IGF2BP1: variants seen among roughly 807,000 people sequenced by gnomAD.
IGF2BP1 encodes the protein insulin like growth factor 2 mRNA binding protein 1.
A neutral mutation model predicts 74.9 loss-of-function variants in IGF2BP1; 11 were observed. That is an observed-to-expected ratio of 0.15 (90% CI 0.09 to 0.24). The LOEUF is 0.24. IGF2BP1 is among the 10% of genes least tolerant of loss of function. The pLI is 1.00. For synonymous variants in IGF2BP1, 287 were observed against 281.8 expected, an observed-to-expected ratio of 1.02 and a Z score of -0.18; for missense variants, 440 against 757.4, an observed-to-expected ratio of 0.58 and a Z score of 4.92.
chr17:49,022,583 A>T (rs1302063626), intron 2 of IGF2BP1, among the ~76,000 whole-genome samples: 1 of 151,856 alleles, frequency 6.6e-6, no homozygotes, highest in African/African-American at 2.4e-5. Context: ...CTTTTCTTTC[A>T]TTGGTTGGGT....
chr17:49,019,959 C>G (rs28570390), intron 2 of IGF2BP1, among the ~76,000 whole-genome samples: 1 of 34,634 alleles, frequency 2.9e-5, no homozygotes, highest in African/African-American at 1.8e-4. Flanking sequence ...TTTATATACA[C>G]ACACACACAC....
chr17:49,054,002 T>G lies in IGF2BP1; in HGVS notation c.*4558T>G, dbSNP rs2079577282. The G allele has an allele frequency of 1.3e-5, 2 of 152,724 alleles. No homozygotes were observed. The highest frequency in any genetic ancestry group is 4.8e-5 in the African/African-American group (2 of 41,482). The allele number at this position is 152,724 out of a possible 1,614,324, so 9.5% of individuals were successfully genotyped here. On this transcript the variant is annotated 3_prime_UTR_variant, in exon 15 of 15. Coordinates refer to ENST00000290341, the MANE Select transcript of IGF2BP1 (RefSeq NM_006546.4). ...CCAGGGGACATAAAAGCCATTTCCC[T>G]TCCAAATACTCGACAATTTAGATGC...
At chr17:49,036,507 A>C (rs1337395893) in intron 5 of IGF2BP1, 1 of 152,246 alleles carries the variant, frequency 6.6e-6, no homozygotes, top group Non-Finnish European at 1.5e-5. Context: ...GGAGGAGCTA[A>C]AATTTCGAGA....
rs1185162836 is a variant in IGF2BP1 at position 49,052,918 on chromosome 17, A to G, written c.*3474A>G. 1.3e-5 allele frequency: 2 copies of G among 152,244 alleles called. No individual in the cohort carries two copies. Among genetic ancestry groups the G allele is most frequent in the Non-Finnish European group, 2.9e-5 (2 of 68,038 alleles). 9.4% of individuals were successfully genotyped at this position (152,244 alleles called of 1,614,324 possible). A position where few individuals can be genotyped will look rare whatever the true frequency, so the allele number is the denominator to read the frequency against. On this transcript the variant is annotated 3_prime_UTR_variant, in exon 15 of 15. Transcript: ENST00000290341. ...AAATTCTTTGAAACACATAACCAAA[A>G]TGGTTTGATTCACTGACTGACTTTG...
chr17:49,026,533 G>T lies in IGF2BP1; in HGVS notation c.337+16G>T, dbSNP rs1598143792. On this transcript the variant is annotated intron_variant, in intron 4 of 14. Coordinates refer to ENST00000290341, the MANE Select transcript of IGF2BP1 (RefSeq NM_006546.4). Reference sequence around the variant, plus strand: ...TGTGAGCAAGGTAAGAGTGGGCCGGGTGTGGGGTGGCACTCGTGGTGGGGG... The same window carrying T: ...TGTGAGCAAGGTAAGAGTGGGCCGGTTGTGGGGTGGCACTCGTGGTGGGGG... 6 of 1,612,662 alleles carry T rather than the reference G, an allele frequency of 3.7e-6. No individual in the cohort carries two copies. The highest frequency in any genetic ancestry group is 2.7e-5 in the African/African-American group (2 of 74,880).
chr17:49,046,098 G>T, intron 13 of IGF2BP1, 77 bp downstream of exon 13: 1 of 1,552,536 alleles, frequency 6.4e-7, no homozygotes, highest in Non-Finnish European at 8.8e-7. Context: ...CTCCTGTACT[G>T]CTCAACCTCA....
intron 2 of IGF2BP1, among the ~76,000 whole-genome samples, chr17:49,010,425 T>G (rs2041603398): frequency 6.7e-6 from 1 of 149,392 alleles, no homozygotes; most frequent in African/African-American, 2.5e-5. Flanking sequence ...CACGTCATTC[T>G]CCTGCCTCAG....
Position 49,055,435 on chromosome 17 carries a change from C to G in IGF2BP1, c.*5991C>G. 1.7e-5 allele frequency: 6 copies of G among 358,768 alleles called. No homozygotes were observed. The highest frequency in any genetic ancestry group is 2.0e-5 in the Non-Finnish European group (4 of 201,848). The allele number at this position is 358,768 out of a possible 1,614,324, so 22.2% of individuals were successfully genotyped here. Reference sequence around the variant, plus strand: ...GCCAGCTGACTTCAGTCACCCCTGTCCCCCCTCCCCTGCCAATAAGCTCCC... The same window carrying G: ...GCCAGCTGACTTCAGTCACCCCTGTGCCCCCTCCCCTGCCAATAAGCTCCC... On this transcript the variant is annotated 3_prime_UTR_variant, in exon 15 of 15. Transcript: ENST00000290341.
At position 49,055,764 on chromosome 17, in the gene IGF2BP1, T is replaced by G; in HGVS notation, c.*6320T>G. The G allele has an allele frequency of 2.5e-6, 1 of 396,836 alleles. No homozygotes were observed. The allele number at this position is 396,836 out of a possible 1,614,324, so 24.6% of individuals were successfully genotyped here. On this transcript the variant is annotated 3_prime_UTR_variant, in exon 15 of 15. Coordinates refer to ENST00000290341, the MANE Select transcript of IGF2BP1 (RefSeq NM_006546.4). ...TTGTAAGCAGTTCTGAAACATCACT[T>G]ACTCAGAAGAGGGAACGATGTATTT...
chr17:49,044,331 G>C (rs567731264), intron 11 of IGF2BP1, among the ~76,000 whole-genome samples: 1 of 152,270 alleles, frequency 6.6e-6, no homozygotes, highest in South Asian at 2.1e-4. Context: ...AGAGAACTTA[G>C]GTTCTAACAC....
intron 2 of IGF2BP1, among the ~76,000 whole-genome samples, chr17:49,000,383 T>C (rs906959824): frequency 6.6e-6 from 1 of 152,210 alleles, no homozygotes; most frequent in African/African-American, 2.4e-5. Flanking sequence ...TTTAAGTAAC[T>C]TGGAACTATT....
intron 4 of IGF2BP1, among the ~76,000 whole-genome samples, 187 bp downstream of exon 4, chr17:49,026,704 C>A (rs925231663): frequency 3.6e-5 from 5 of 137,462 alleles, no homozygotes; most frequent in Non-Finnish European, 8.3e-5. Context: ...TGCCTTCCTG[C>A]CTTCCTGCCT....
At chr17:49,018,825 C>T (rs1463347262) in intron 2 of IGF2BP1, among the ~76,000 whole-genome samples, 1 of 152,208 alleles carries the variant, frequency 6.6e-6, no homozygotes, top group East Asian at 1.9e-4. Flanking sequence ...ATGTGAGAAA[C>T]TGAGGTCCAG....
intron 2 of IGF2BP1, among the ~76,000 whole-genome samples, chr17:49,021,701 G>C (rs1245246840): frequency 6.6e-6 from 1 of 152,184 alleles, no homozygotes; most frequent in African/African-American, 2.4e-5. Context: ...GGAGGGTGGT[G>C]GGGAGGGACT....
intron 11 of IGF2BP1, 75 bp downstream of exon 11, chr17:49,044,161 A>G: frequency 2.6e-6 from 4 of 1,549,420 alleles, no homozygotes; most frequent in Non-Finnish European, 3.5e-6. Context: ...ACTTTCTCCC[A>G]TATTCCCCCT....
Position 48,997,623 on chromosome 17 carries a change from G to T in IGF2BP1, c.-123G>T. 1.8e-5 allele frequency: 18 copies of T among 1,026,138 alleles called. No homozygotes were observed. The highest frequency in any genetic ancestry group is 2.6e-5 in the Non-Finnish European group (18 of 704,474). 63.6% of individuals were successfully genotyped at this position (1,026,138 alleles called of 1,614,324 possible). A position where few individuals can be genotyped will look rare whatever the true frequency, so the allele number is the denominator to read the frequency against. Reference sequence around the variant, plus strand: ...TGGGCTCGGGACAACTTCTGGGGTGGGGTGCAAAGAAAGTTTGCGGCTCCT... The same window carrying T: ...TGGGCTCGGGACAACTTCTGGGGTGTGGTGCAAAGAAAGTTTGCGGCTCCT... On this transcript the variant is annotated 5_prime_UTR_variant, in exon 1 of 15. Transcript: ENST00000290341. This position sits in a 1 kb window ranked among gnomAD's most constrained non-coding sequence, Gnocchi z 4.8.
intron 2 of IGF2BP1, chr17:49,014,745 G>A (rs1452433814): frequency 1.0e-6 from 1 of 984,838 alleles, no homozygotes; most frequent in African/African-American, 1.7e-5. Flanking sequence ...CGCTTGCGGG[G>A]CTGGTGCCCA....
chr17:49,001,417 C>CT (rs2041486476), intron 2 of IGF2BP1, among the ~76,000 whole-genome samples: 1 of 152,106 alleles, frequency 6.6e-6, no homozygotes, highest in South Asian at 2.1e-4. Flanking sequence ...ATTTCAATTT[C>CT]TAAAATAATT....
intron 12 of IGF2BP1, 111 bp downstream of exon 12, chr17:49,045,176 TC>T (rs1259036161): frequency 1.1e-5 from 9 of 837,056 alleles, no homozygotes; most frequent in Non-Finnish European, 1.2e-5. Context: ...CAAGTCCTCA[TC>T]ACATCTTTAA....
Sources: gnomAD v4.1 joint callset for allele counts (sites outside exome capture counted in the v4.1 genomes callset) on GRCh38, gnomAD v4.1.1 for gene constraint, Gnocchi (gnomAD v3.1) non-coding constraint, MANE v1.5 for transcripts, NCBI Gene and HGNC (gene_info 2026-07-23, HGNC 2026-07-21) for gene names.